Variants in CPLANE1 observed in about 807,000 individuals in gnomAD.
CPLANE1 encodes ciliogenesis and planar polarity effector 1.
CPLANE1 carries 263 observed loss-of-function variants against 362.5 expected under a neutral mutation model. The observed-to-expected ratio is 0.73, with a 90% CI of 0.66 to 0.80. CPLANE1 has a LOEUF of 0.80. CPLANE1 is among the 30% of genes least tolerant of loss of function. The pLI is 0.00. For missense variants in CPLANE1, 3,461 were observed against 3,793.4 expected, an observed-to-expected ratio of 0.91 and a Z score of 2.30; for synonymous variants, 1,212 against 1,302.6, an observed-to-expected ratio of 0.93 and a Z score of 1.50.
At chr5:37,175,226 G>A (rs913475269) in intron 31 of CPLANE1, among the ~76,000 whole-genome samples, 2 of 152,190 alleles carry the variant, frequency 1.3e-5, no homozygotes, top group African/African-American at 4.8e-5. Context: ...GACAGTAGGG[G>A]CAGGTATAGG....
Position 37,221,493 on chromosome 5 carries a change from A to G in CPLANE1, c.2582-5T>C. The G allele has an allele frequency of 6.7e-7, 1 of 1,486,412 alleles. No individual in the cohort carries two copies. Among genetic ancestry groups the G allele is most frequent in the Non-Finnish European group, 8.9e-7 (1 of 1,122,742 alleles). The allele number at this position is 1,486,412 out of a possible 1,614,324, so 92.1% of individuals were successfully genotyped here. A position where few individuals can be genotyped will look rare whatever the true frequency, so the allele number is the denominator to read the frequency against. On this transcript the variant is annotated splice_region_variant and splice_polypyrimidine_tract_variant and intron_variant, in intron 14 of 52. Coordinates refer to ENST00000651892, the MANE Select transcript of CPLANE1 (RefSeq NM_001384732.1). ...GAAAATACGTCCTTCTTCCTCCTGA[A>G]ACAAGAAGTAAGCTCACCTTAAAAG...
At chr5:37,115,890 G>A (rs1204018749) in intron 50 of CPLANE1, among the ~76,000 whole-genome samples, 1 of 151,880 alleles carries the variant, frequency 6.6e-6, no homozygotes, top group Non-Finnish European at 1.5e-5. Context: ...ACCATGCCCG[G>A]CCGACTTTTA....
At chr5:37,205,839 A>G (rs573988017) in intron 17 of CPLANE1, among the ~76,000 whole-genome samples, 12 of 152,300 alleles carry the variant, frequency 7.9e-5, no homozygotes, top group Middle Eastern at 6.8e-3. Context: ...TCAGCCTCCC[A>G]AGTAGTTGGG....
Position 37,205,877 on chromosome 5 carries a change from T to TAATA in CPLANE1, c.3149+319_3149+320insTATT, listed in dbSNP as rs796958977. Among the ~76,000 whole-genome samples the TAATA allele has an allele frequency of 1.7e-4, 26 of 152,334 alleles. No individual in the cohort carries two copies. In the South Asian group the frequency reaches 5.2e-3, roughly 30 times the overall value. On this transcript the variant is annotated intron_variant, in intron 17 of 52. Transcript: ENST00000651892. Reference sequence around the variant, plus strand: ...CACAGGCACGATCATCGCCCCTGGCTATTAATAAATGTTTTAACACAAATA... The same window carrying TAATA: ...CACAGGCACGATCATCGCCCCTGGCTAATAATTAATAAATGTTTTAACACAAATA...
rs748948654 is a variant in CPLANE1 at position 37,205,562 on chromosome 5, T to C, written c.3150-108A>G. ...AAGTTTAAGAAACAATGGAATTTAC[T>C]TTTTTATCTATCGTACATGTAAAAA... On this transcript the variant is annotated intron_variant, in intron 17 of 52. Coordinates refer to ENST00000651892, the MANE Select transcript of CPLANE1 (RefSeq NM_001384732.1). 1.2e-3 allele frequency: 870 copies of C among 744,530 alleles called. 3 individuals carry two copies. The highest frequency in any genetic ancestry group is 1.6e-3 in the Non-Finnish European group (766 of 469,646). The allele number at this position is 744,530 out of a possible 1,614,324, so 46.1% of individuals were successfully genotyped here. A position where few individuals can be genotyped will look rare whatever the true frequency, so the allele number is the denominator to read the frequency against.
intron 51 of CPLANE1, among the ~76,000 whole-genome samples, chr5:37,110,254 G>C (rs576296644): frequency 6.6e-6 from 1 of 151,674 alleles, no homozygotes; most frequent in South Asian, 2.1e-4. Context: ...CATATCTCTC[G>C]TCACCTTTCC....
chr5:37,216,505 C>T lies in CPLANE1; in HGVS notation c.2747-2773G>A, dbSNP rs767653405. On this transcript the variant is annotated intron_variant, in intron 15 of 52. Coordinates refer to ENST00000651892, the MANE Select transcript of CPLANE1 (RefSeq NM_001384732.1). Reference sequence around the variant, plus strand: ...TTGAAGCTGCAGTGAGCTGTGATCACGCCACTGCACTCCAGCCTAGGTGAC... The same window carrying T: ...TTGAAGCTGCAGTGAGCTGTGATCATGCCACTGCACTCCAGCCTAGGTGAC... 3.3e-5 allele frequency among the ~76,000 whole-genome samples: 5 copies of T among 152,166 alleles called. No homozygotes were observed. The East Asian group carries it at 7.7e-4, about 23-fold the overall frequency.
intron 19 of CPLANE1, among the ~76,000 whole-genome samples, 165 bp downstream of exon 19, chr5:37,201,425 AG>A (rs1466122311): frequency 3.3e-5 from 5 of 152,360 alleles, no homozygotes; most frequent in Middle Eastern, 3.4e-3. Flanking sequence ...ACAGCAGTTT[AG>A]TACATTCCCT....
At position 37,226,584 on chromosome 5, in the gene CPLANE1, A is replaced by G. The variant is rs1395098389; in HGVS notation, c.2011T>C (p.Leu671=). The G allele has an allele frequency of 1.3e-6, 2 of 1,550,916 alleles. No homozygotes were observed. Among genetic ancestry groups the G allele is most frequent in the Admixed American group, 2.0e-5 (1 of 50,892 alleles). The change falls in exon 12 of 53, where the codon TTG becomes CTG. Residue 671 remains leucine, a synonymous_variant. Coordinates refer to ENST00000651892, the MANE Select transcript of CPLANE1 (RefSeq NM_001384732.1). ...TGACCCTTTTGTTGCTGAGTCAGCAAAAGTTTTACAGTATTTGAGGTCAGC... is the reference window on the plus strand; with the variant it reads ...TGACCCTTTTGTTGCTGAGTCAGCAGAAGTTTTACAGTATTTGAGGTCAGC... ...IKLTSNTVKL[L]LTQQQKGQLF... is the part of the protein sequence containing the mutation.
rs536122181 is a variant in CPLANE1 at position 37,198,195 on chromosome 5, C to A, written c.3672+507G>T. Reference sequence around the variant, plus strand: ...ATCTGATAAGAATGAAGCGACAGCTCAGCTGAAGTCAATATAGAAGGGGAT... The same window carrying A: ...ATCTGATAAGAATGAAGCGACAGCTAAGCTGAAGTCAATATAGAAGGGGAT... On this transcript the variant is annotated intron_variant, in intron 20 of 52. Coordinates refer to ENST00000651892, the MANE Select transcript of CPLANE1 (RefSeq NM_001384732.1). 3.1e-4 allele frequency among the ~76,000 whole-genome samples: 47 copies of A among 152,264 alleles called. 1 individual carries two copies. The South Asian group carries it at 9.5e-3, about 31-fold the overall frequency.
At chr5:37,186,723 C>A (rs1784087956) in intron 23 of CPLANE1, among the ~76,000 whole-genome samples, 1 of 152,080 alleles carries the variant, frequency 6.6e-6, no homozygotes, top group African/African-American at 2.4e-5. Flanking sequence ...ATTGTAATAT[C>A]CTCCCTTATC....
Position 37,106,948 on chromosome 5 carries a change from C to A in CPLANE1, c.*654G>T. On this transcript the variant is annotated 3_prime_UTR_variant, in exon 53 of 53. Coordinates refer to ENST00000651892, the MANE Select transcript of CPLANE1 (RefSeq NM_001384732.1). Reference sequence around the variant, plus strand: ...ATGGTTCTTACAAATTTAAGATGAGCCTTCTAGAGGCCGGAGTCATATTCC... The same window carrying A: ...ATGGTTCTTACAAATTTAAGATGAGACTTCTAGAGGCCGGAGTCATATTCC... 1 of 985,380 alleles carries A rather than the reference C, an allele frequency of 1.0e-6. No individual in the cohort carries two copies. The highest frequency in any genetic ancestry group is 1.2e-6 in the Non-Finnish European group (1 of 829,912). 61.0% of individuals were successfully genotyped at this position (985,380 alleles called of 1,614,324 possible).
intron 42 of CPLANE1, among the ~76,000 whole-genome samples, chr5:37,149,172 T>C (rs1008266018): frequency 7.2e-5 from 11 of 152,194 alleles, no homozygotes; most frequent in Non-Finnish European, 1.5e-5. Flanking sequence ...CTGGGAGATA[T>C]GTTCCAAGAC....
intron 44 of CPLANE1, chr5:37,141,420 C>T (rs770085485): frequency 6.1e-6 from 6 of 985,046 alleles, no homozygotes; most frequent in Non-Finnish European, 7.2e-6. Context: ...ATATATGATA[C>T]TCAGTCTTCA....
chr5:37,141,468 G>A, intron 44 of CPLANE1: 1 of 984,220 alleles, frequency 1.0e-6, no homozygotes, highest in Non-Finnish European at 1.2e-6. Flanking sequence ...CCCATATGTT[G>A]ATGACTAAAA....
chr5:37,140,914 C>T, intron 44 of CPLANE1: 3 of 983,006 alleles, frequency 3.1e-6, no homozygotes, highest in Non-Finnish European at 3.6e-6. Flanking sequence ...TATGTGTGGC[C>T]CAAGACAATT....
At position 37,108,867 on chromosome 5, in the gene CPLANE1, A is replaced by G. The variant is rs548332859; in HGVS notation, c.9401-396T>C. On this transcript the variant is annotated intron_variant, in intron 51 of 52. Transcript: ENST00000651892. Reference sequence around the variant, plus strand: ...AGCAATGTTTTGGGCATCTTCACCCAGGCTTAATGCTTACAATCTGCCTTT... The same window carrying G: ...AGCAATGTTTTGGGCATCTTCACCCGGGCTTAATGCTTACAATCTGCCTTT... Among the ~76,000 whole-genome samples, 3 of 152,382 alleles carry G rather than the reference A, an allele frequency of 2.0e-5. No individual in the cohort carries two copies. In the South Asian group the frequency reaches 6.2e-4, roughly 32 times the overall value.
intron 42 of CPLANE1, among the ~76,000 whole-genome samples, chr5:37,149,915 C>A (rs1057238344): frequency 2.0e-5 from 3 of 151,936 alleles, no homozygotes; most frequent in Non-Finnish European, 4.4e-5. Context: ...TTTATTAGTG[C>A]CAGAATCAAA....
chr5:37,185,665 T>G (rs774948343), intron 24 of CPLANE1, among the ~76,000 whole-genome samples: 11 of 152,086 alleles, frequency 7.2e-5, no homozygotes, highest in Non-Finnish European at 1.2e-4. Context: ...ACAAAATCAC[T>G]GGACATACCT....
Sources: allele counts gnomAD v4.1 joint callset (sites outside exome capture counted in the v4.1 genomes callset), GRCh38; gene constraint gnomAD v4.1.1; transcripts MANE v1.5; gene names NCBI Gene and HGNC (gene_info 2026-07-23, HGNC 2026-07-21).